TSHZ3: variants seen among roughly 807,000 people sequenced by gnomAD.
The protein encoded by TSHZ3 is teashirt homolog 3.
TSHZ3 carries 10 observed loss-of-function variants against 64.5 expected under a neutral mutation model. The ratio of observed to expected loss-of-function variants is 0.16; its 90% CI spans 0.10 to 0.26. The LOEUF (loss-of-function observed/expected upper bound fraction) is 0.26. Ranked by LOEUF, TSHZ3 falls within the 10% of genes least tolerant of loss-of-function variation. The pLI, the probability that TSHZ3 is intolerant of heterozygous loss-of-function variation, is 1.00. For missense variants in TSHZ3, 1,242 were observed against 1,421.7 expected (o/e 0.87, Z 2.03); for synonymous variants, 608 against 593.1 (o/e 1.03, Z -0.36).
chr19:31,226,969 C>CTTTTT (rs1975472056), intron 4 of TSHZ3, among the ~76,000 whole-genome samples: 1 of 82,604 alleles, frequency 1.2e-5, no homozygotes, highest in African/African-American at 6.7e-5. Flanking sequence ...CTCTTTCTTT[C>CTTTTT]TTTCTTTCTT....
intron 1 of TSHZ3, among the ~76,000 whole-genome samples, chr19:31,306,529 G>A (rs1409811146): frequency 2.0e-5 from 3 of 152,176 alleles, no homozygotes; most frequent in Non-Finnish European, 2.9e-5. Flanking sequence ...GCACGTGCGT[G>A]GGTGCGCATG....
At chr19:31,329,650 T>C (rs977315473) in intron 1 of TSHZ3, among the ~76,000 whole-genome samples, 1 of 152,188 alleles carries the variant, frequency 6.6e-6, no homozygotes, top group Non-Finnish European at 1.5e-5. Flanking sequence ...GGCTTTAGAT[T>C]TTTCACTTCT....
intron 1 of TSHZ3, among the ~76,000 whole-genome samples, chr19:31,342,840 G>C (rs1245654820): frequency 6.6e-6 from 1 of 152,196 alleles, no homozygotes; most frequent in Non-Finnish European, 1.5e-5. Flanking sequence ...AGAGGAAAAA[G>C]AAGAAACACA....
intron 1 of TSHZ3, among the ~76,000 whole-genome samples, chr19:31,335,530 C>T (rs1408770390): frequency 6.6e-6 from 1 of 152,180 alleles, no homozygotes; most frequent in South Asian, 2.1e-4. Flanking sequence ...AAAATACTGA[C>T]CTTAAGGACC....
chr19:31,248,244 T>C (rs1975783680), intron 1 of TSHZ3, among the ~76,000 whole-genome samples: 1 of 152,044 alleles, frequency 6.6e-6, no homozygotes, highest in Non-Finnish European at 1.5e-5. Flanking sequence ...GTCATATCAG[T>C]GTGATACATA....
chr19:31,151,088 G>A (rs1030446479), exon 7 of TSHZ3, among the ~76,000 whole-genome samples: 3 of 152,146 alleles, frequency 2.0e-5, no homozygotes, highest in Non-Finnish European at 4.4e-5. Context: ...CATTTCCTGG[G>A]TCCCTAAGTA....
intron 5 of TSHZ3, chr19:31,195,570 T>G (rs1167329991): frequency 6.6e-6 from 1 of 151,962 alleles, no homozygotes; most frequent in Non-Finnish European, 1.5e-5. Flanking sequence ...ATTTATTTAT[T>G]TATTTATTTT....
intron 1 of TSHZ3, among the ~76,000 whole-genome samples, chr19:31,314,779 C>T (rs1016834796): frequency 1.3e-5 from 2 of 152,126 alleles, no homozygotes; most frequent in Non-Finnish European, 2.9e-5. Context: ...GAGTGTCCAC[C>T]TCCGGGGCTG....
chr19:31,158,837 G>A (rs1165885980), intron 5 of TSHZ3, among the ~76,000 whole-genome samples: 4 of 151,908 alleles, frequency 2.6e-5, no homozygotes, highest in Admixed American at 1.3e-4. Flanking sequence ...TTCACAATAG[G>A]GGTGGTGCTC....
upstream of TSHZ3, among the ~76,000 whole-genome samples, chr19:31,350,213 G>A (rs1475449486): frequency 6.6e-6 from 1 of 150,844 alleles, no homozygotes; most frequent in Non-Finnish European, 1.5e-5. Context: ...CCAGGGAGGA[G>A]GCGGGCGCGG....
intron 1 of TSHZ3, among the ~76,000 whole-genome samples, chr19:31,344,553 C>T (rs879595428): frequency 2.6e-5 from 4 of 152,206 alleles, no homozygotes; most frequent in African/African-American, 4.8e-5. Context: ...GCACCAGGAC[C>T]GGGCACTTCC....
intron 4 of TSHZ3, among the ~76,000 whole-genome samples, chr19:31,208,311 G>A (rs980557639): frequency 5.3e-5 from 8 of 152,170 alleles, no homozygotes; most frequent in Non-Finnish European, 1.0e-4. Flanking sequence ...GCATCCTGCT[G>A]GGATAAACCC....
At chr19:31,188,198 T>G (rs1974843208) in intron 5 of TSHZ3, among the ~76,000 whole-genome samples, 1 of 151,822 alleles carries the variant, frequency 6.6e-6, no homozygotes, top group South Asian at 2.1e-4. Context: ...TGCTAGTATA[T>G]AAAAATGCAA....
At chr19:31,338,919 G>T (rs1167220772) in intron 1 of TSHZ3, among the ~76,000 whole-genome samples, 1 of 151,696 alleles carries the variant, frequency 6.6e-6, no homozygotes, top group Non-Finnish European at 1.5e-5. Flanking sequence ...CAATGAGAAG[G>T]CAAGGCCAAT....
intron 1 of TSHZ3, among the ~76,000 whole-genome samples, chr19:31,295,714 C>A (rs1041457972): frequency 1.3e-5 from 2 of 151,966 alleles, no homozygotes; most frequent in African/African-American, 4.8e-5. Context: ...GGGAAAATTC[C>A]ACCTACACTT....
chr19:31,227,271 C>T (rs535326932), intron 4 of TSHZ3, among the ~76,000 whole-genome samples: 57 of 151,992 alleles, frequency 3.8e-4, no homozygotes, highest in Non-Finnish European at 4.9e-4. Flanking sequence ...TGAGCCACCA[C>T]GCCTAGCCCA....
intron 1 of TSHZ3, among the ~76,000 whole-genome samples, chr19:31,328,933 C>G (rs1490242939): frequency 6.6e-6 from 1 of 152,164 alleles, no homozygotes; most frequent in Non-Finnish European, 1.5e-5. Context: ...GCGGGAGTGG[C>G]TCCCAATCAC....
At chr19:31,311,144 G>C (rs1916446036) in intron 1 of TSHZ3, among the ~76,000 whole-genome samples, 1 of 152,242 alleles carries the variant, frequency 6.6e-6, no homozygotes, top group Admixed American at 6.5e-5. Flanking sequence ...CCAGTAGCAA[G>C]TCAGACAGAC....
chr19:31,214,267 GGCTGCATGAGTCA>G (rs1975296975), intron 4 of TSHZ3, among the ~76,000 whole-genome samples: 1 of 152,194 alleles, frequency 6.6e-6, no homozygotes, highest in Non-Finnish European at 1.5e-5. Flanking sequence ...GGTAACCAGA[GGCTGCATGAGTCA>G]CTGTGGTTAA....
Sources: allele counts gnomAD v4.1 joint callset (sites outside exome capture counted in the v4.1 genomes callset), GRCh38; gene constraint gnomAD v4.1.1; transcripts MANE v1.5; gene names NCBI Gene and HGNC (gene_info 2026-07-23, HGNC 2026-07-21).